The following STK3 variants were observed in gnomAD, a reference collection of about 807,000 sequenced individuals.
The protein encoded by STK3 is serine/threonine kinase 3, also known as serine/threonine-protein kinase 3.
Under a neutral mutation model 58.0 loss-of-function variants are expected in STK3, and 41 were observed. The observed-to-expected ratio is 0.71, with a 90% CI of 0.55 to 0.92. STK3 has a LOEUF of 0.92. Among genes scored for constraint, STK3 ranks in the 40% least tolerant of loss-of-function variants. The pLI, the probability that STK3 is intolerant of heterozygous loss-of-function variation, is 0.00. For synonymous variants in STK3, 170 were observed against 191.0 expected (o/e 0.89, Z 0.91); for missense variants, 479 against 602.7 (o/e 0.79, Z 2.15).
intron 4 of STK3, among the ~76,000 whole-genome samples, chr8:98,731,585 T>C (rs1652200682): frequency 6.6e-6 from 1 of 151,832 alleles, no homozygotes; most frequent in Non-Finnish European, 1.5e-5. Flanking sequence ...TAGCCAGGCG[T>C]GGTGGCAGTA....
At position 98,688,136 on chromosome 8, in the gene STK3, T is replaced by C. The variant is rs564654714; in HGVS notation, c.684+18331A>G. ...AGCAGAGGTCTTATATTAGATAAAA[T>C]AGACTTTAAACAAACGACTGTAAAA... On this transcript the variant is annotated intron_variant, in intron 6 of 10. Transcript: ENST00000419617. Among the ~76,000 whole-genome samples, 50 of 152,168 alleles carry C rather than the reference T, an allele frequency of 3.3e-4. 2 individuals carry two copies. In the South Asian group the frequency reaches 0.01, roughly 32 times the overall value.
chr8:98,708,834 G>C (rs1362093774), intron 4 of STK3, among the ~76,000 whole-genome samples: 1 of 151,862 alleles, frequency 6.6e-6, no homozygotes, highest in South Asian at 2.1e-4. Context: ...TCTCACAAGA[G>C]TGAGAGGGGC....
At chr8:98,871,906 T>A (rs1837393797) in intron 3 of STK3, among the ~76,000 whole-genome samples, 1 of 152,222 alleles carries the variant, frequency 6.6e-6, no homozygotes, top group Non-Finnish European at 1.5e-5. Context: ...AGAGAGGGCA[T>A]CCCTGTCTTG....
chr8:98,363,465 C>T, the STK3 span, among the ~76,000 whole-genome samples: 1 of 152,158 alleles, frequency 6.6e-6, no homozygotes, highest in Non-Finnish European at 1.5e-5. Flanking sequence ...TACTGTGCTC[C>T]CCCAAGGACC....
chr8:98,743,451 C>T (rs949552427), intron 4 of STK3, among the ~76,000 whole-genome samples: 1 of 152,132 alleles, frequency 6.6e-6, no homozygotes, highest in Non-Finnish European at 1.5e-5. Context: ...ACTATCTGAT[C>T]TTTGACAAAC....
rs370654241 is a variant in STK3 at position 98,728,072 on chromosome 8, C to T, written c.352-20761G>A. 2.0e-5 allele frequency among the ~76,000 whole-genome samples: 3 copies of T among 152,070 alleles called. No homozygotes were observed. The South Asian group carries it at 6.2e-4, about 32-fold the overall frequency. On this transcript the variant is annotated intron_variant, in intron 4 of 10. Coordinates refer to ENST00000419617, the MANE Select transcript of STK3 (RefSeq NM_006281.4). ...CTTAACAACCAAAATTTCTCCCTGCCCCCTCCTCCTCTCCTAGGATAAAGA... is the reference window on the plus strand; with the variant it reads ...CTTAACAACCAAAATTTCTCCCTGCTCCCTCCTCCTCTCCTAGGATAAAGA...
chr8:98,670,785 G>C (rs528494175), intron 6 of STK3, among the ~76,000 whole-genome samples: 1 of 152,320 alleles, frequency 6.6e-6, no homozygotes, highest in African/African-American at 2.4e-5. Flanking sequence ...TCGAGTGAGA[G>C]ACCACCTTCC....
chr8:98,722,408 A>G (rs974490032), intron 4 of STK3, among the ~76,000 whole-genome samples: 6 of 152,212 alleles, frequency 3.9e-5, no homozygotes, highest in African/African-American at 1.4e-4. Flanking sequence ...AAGGTACTCT[A>G]CAAGTATTGT....
intron 3 of STK3, among the ~76,000 whole-genome samples, chr8:98,766,181 C>T (rs1405154918): frequency 6.6e-6 from 1 of 152,190 alleles, no homozygotes; most frequent in African/African-American, 2.4e-5. Flanking sequence ...CCAGTCACTA[C>T]AATGAGTGTG....
At chr8:98,717,906 G>A (rs1299799809) in intron 4 of STK3, among the ~76,000 whole-genome samples, 1 of 152,178 alleles carries the variant, frequency 6.6e-6, no homozygotes, top group Non-Finnish European at 1.5e-5. Flanking sequence ...CAACATGGCT[G>A]AACCTTGAGT....
At chr8:98,588,542 C>T (rs1814901819) in intron 7 of STK3, among the ~76,000 whole-genome samples, 1 of 151,948 alleles carries the variant, frequency 6.6e-6, no homozygotes, top group Non-Finnish European at 1.5e-5. Context: ...TTTTTTCCTT[C>T]ATTTCAACTT....
chr8:98,638,998 C>T (rs919187658), intron 6 of STK3, among the ~76,000 whole-genome samples: 1 of 151,696 alleles, frequency 6.6e-6, no homozygotes, highest in African/African-American at 2.4e-5. Context: ...CTGAAATAGA[C>T]ATATTATGGG....
chr8:98,869,667 T>G (rs962081561), intron 3 of STK3, among the ~76,000 whole-genome samples: 2 of 152,032 alleles, frequency 1.3e-5, no homozygotes, highest in African/African-American at 2.4e-5. Context: ...CCTAGAGACT[T>G]CAAAGTGAGC....
intron 3 of STK3, among the ~76,000 whole-genome samples, chr8:98,414,131 G>T (rs887034427): frequency 6.6e-6 from 1 of 152,126 alleles, no homozygotes; most frequent in African/African-American, 2.4e-5. Flanking sequence ...AGGCATAGTG[G>T]TGCATGCCTG....
At chr8:98,871,922 G>C (rs558780127) in intron 3 of STK3, among the ~76,000 whole-genome samples, 2 of 152,312 alleles carry the variant, frequency 1.3e-5, no homozygotes, top group African/African-American at 4.8e-5. Flanking sequence ...TCTTGTGCCA[G>C]TTTTCAAATG....
chr8:98,663,924 T>C (rs551023949), intron 6 of STK3, among the ~76,000 whole-genome samples: 4 of 152,210 alleles, frequency 2.6e-5, no homozygotes, highest in South Asian at 4.1e-4. Context: ...ACAGCAAAAA[T>C]AGTACCTTTT....
At chr8:98,526,665 A>T in intron 10 of STK3, 77 bp downstream of exon 10, 11 of 1,280,106 alleles carry the variant, frequency 8.6e-6, no homozygotes, top group Non-Finnish European at 1.1e-5. Flanking sequence ...GTTCATATAC[A>T]TATGAACTAT....
intron 10 of STK3, among the ~76,000 whole-genome samples, chr8:98,481,721 G>GAAA (rs35610665): frequency 2.4e-5 from 2 of 83,052 alleles, no homozygotes; most frequent in Non-Finnish European, 5.2e-5. Context: ...TAAAGCTATT[G>GAAA]AAAAAAAAAA....
chr8:98,350,554 CT>C, the STK3 span, among the ~76,000 whole-genome samples: 11 of 152,288 alleles, frequency 7.2e-5, no homozygotes, highest in East Asian at 2.1e-3. Flanking sequence ...TTTTTCACTG[CT>C]GATAAAGACA....
Sources: gnomAD v4.1 joint callset for allele counts (sites outside exome capture counted in the v4.1 genomes callset) on GRCh38, gnomAD v4.1.1 for gene constraint, MANE v1.5 for transcripts, NCBI Gene and HGNC (gene_info 2026-07-23, HGNC 2026-07-21) for gene names.